EGLN1: variants seen among roughly 807,000 people sequenced by gnomAD.
The protein encoded by EGLN1 is egl-9 family hypoxia inducible factor 1.
Under a neutral mutation model 38.3 loss-of-function variants are expected in EGLN1, and 17 were observed. That is an observed-to-expected ratio of 0.44 (90% CI 0.30 to 0.67). EGLN1 has a LOEUF of 0.67. Among genes scored for constraint, EGLN1 ranks in the 30% least tolerant of loss-of-function variants. The probability of loss-of-function intolerance (pLI) is 0.08; values close to 1 mark genes in which losing one functional copy is unlikely to be tolerated. For missense variants in EGLN1, 477 were observed against 603.3 expected (o/e 0.79, Z 2.19); for synonymous variants, 283 against 257.5 (o/e 1.10, Z -0.95).
In EGLN1 at chr1:231,420,976, C is replaced by T. The variant is rs148803143; in HGVS notation, c.891+22G>A. The T allele has an allele frequency of 3.6e-5, 58 of 1,614,042 alleles. 1 individual carries two copies. The East Asian group carries it at 1.3e-3, about 35-fold the overall frequency. On this transcript the variant is annotated intron_variant, in intron 1 of 4. Transcript: ENST00000366641. ...CCCGCCGAGAAGGGCCTGTCCAGCA[C>T]AAACCCGCAGCACACACTTACTTTC...
intron 1 of EGLN1, among the ~76,000 whole-genome samples, chr1:231,396,979 C>T (rs2808598): frequency 0.54 from 82,604 of 151,730 alleles, 24,068 homozygotes; most frequent in Non-Finnish European, 0.65. Flanking sequence ...TCTTTTGCTT[C>T]AATTCCTGTT....
chr1:231,376,103 A>T (rs1348167475), intron 1 of EGLN1, among the ~76,000 whole-genome samples: 1 of 152,214 alleles, frequency 6.6e-6, no homozygotes, highest in Non-Finnish European at 1.5e-5. Context: ...ACCAAAGAGA[A>T]AAGGTCCCTT....
chr1:231,399,856 A>G (rs893601477), intron 1 of EGLN1, among the ~76,000 whole-genome samples: 7 of 152,148 alleles, frequency 4.6e-5, no homozygotes, highest in Non-Finnish European at 7.3e-5. Flanking sequence ...TTAAGGAGAA[A>G]AACACAGGAG....
intron 1 of EGLN1, among the ~76,000 whole-genome samples, chr1:231,392,274 G>C (rs113794790): frequency 2.6e-5 from 4 of 152,026 alleles, no homozygotes; most frequent in African/African-American, 9.6e-5. Flanking sequence ...GCGACAGAGC[G>C]AGACTCTGTC....
At position 231,386,179 on chromosome 1, in the gene EGLN1, GT is replaced by G. The variant is rs1432715096; in HGVS notation, c.892-12081del. 2.0e-5 allele frequency among the ~76,000 whole-genome samples: 3 copies of G among 151,836 alleles called. No individual in the cohort carries two copies. In the East Asian group the frequency reaches 5.8e-4, roughly 29 times the overall value. On this transcript the variant is annotated intron_variant, in intron 1 of 4. Coordinates refer to ENST00000366641, the MANE Select transcript of EGLN1 (RefSeq NM_022051.3). ...GCAGATAACCAAACACTTCTGAAAA[GT>G]TTTTTTGTGGCATGATGGACAAAGA... is the stretch of plus-strand genomic sequence containing the variant.
At chr1:231,384,260 C>G (rs116738669) in intron 1 of EGLN1, among the ~76,000 whole-genome samples, 4,698 of 152,156 alleles carry the variant, frequency 0.031, 246 homozygotes, top group African/African-American at 0.11. Context: ...AGGCACTGTT[C>G]TAGATCTTGG....
At position 231,422,118 on chromosome 1, in the gene EGLN1, C is replaced by G. The variant is rs1656655266; in HGVS notation, c.-230G>C. The G allele has an allele frequency of 2.6e-6, 1 of 385,712 alleles. No homozygotes were observed. The highest frequency in any genetic ancestry group is 4.5e-6 in the Non-Finnish European group (1 of 220,632). The allele number at this position is 385,712 out of a possible 1,614,324, so 23.9% of individuals were successfully genotyped here. ...AGCCGCCTCAGCGCCTCATCGCCGC[C>G]GAGGGCTGAGAGAATAGGGCCTGTG... is the stretch of plus-strand genomic sequence containing the variant. On this transcript the variant is annotated 5_prime_UTR_variant, in exon 1 of 5. Coordinates refer to ENST00000366641, the MANE Select transcript of EGLN1 (RefSeq NM_022051.3).
chr1:231,365,287 A>G lies in EGLN1; in HGVS notation c.*1124T>C, dbSNP rs374107175. 2 of 152,238 alleles carry G rather than the reference A, an allele frequency of 1.3e-5. No homozygotes were observed. Among genetic ancestry groups the G allele is most frequent in the South Asian group, 2.1e-4 (1 of 4,836 alleles). 9.4% of individuals were successfully genotyped at this position (152,238 alleles called of 1,614,324 possible). On this transcript the variant is annotated 3_prime_UTR_variant, in exon 5 of 5. Transcript: ENST00000366641. ...CAATTTAAGGAGAAGCAAAAGGAAA[A>G]GACTTAGAAATGGGACATTATTGTC...
At chr1:231,404,027 A>G (rs1333801096) in intron 1 of EGLN1, among the ~76,000 whole-genome samples, 1 of 152,112 alleles carries the variant, frequency 6.6e-6, no homozygotes, top group Non-Finnish European at 1.5e-5. Context: ...TATCTTTGTA[A>G]ATAACTAATT....
chr1:231,403,402 A>G (rs1688710862), intron 1 of EGLN1, among the ~76,000 whole-genome samples: 1 of 152,030 alleles, frequency 6.6e-6, no homozygotes, highest in South Asian at 2.1e-4. Flanking sequence ...TCTACTTTGG[A>G]GCACTGTATT....
At position 231,421,100 on chromosome 1, in the gene EGLN1, C is replaced by T. The variant is rs1180879366; in HGVS notation, c.789G>A (p.Glu263=). The T allele has an allele frequency of 5.6e-6, 9 of 1,614,204 alleles. No individual in the cohort carries two copies. The highest frequency in any genetic ancestry group is 1.3e-5 in the African/African-American group (1 of 75,056). Residue 263 remains glutamate, a synonymous_variant, in exon 1 of 5, where the codon GAG becomes GAA. Transcript: ENST00000366641. This position sits in a 1 kb window ranked among gnomAD's most constrained non-coding sequence, Gnocchi z 5.5. ...GCAGCCCAATGGTTTCGCAGCCGGG[C>T]TCCTTGCCCTCGATCCAGGTGATCT... ...GDKITWIEGK[E]PGCETIGLLM...
chr1:231,370,723 G>A, intron 2 of EGLN1, 25 bp from the exon 3 acceptor site: 1 of 1,613,792 alleles, frequency 6.2e-7, no homozygotes, highest in Non-Finnish European at 8.5e-7. Flanking sequence ...AAATATGTAA[G>A]CAGGAGTAAC....
chr1:231,414,884 T>G (rs1689037020), intron 1 of EGLN1, among the ~76,000 whole-genome samples: 1 of 152,028 alleles, frequency 6.6e-6, no homozygotes, highest in Non-Finnish European at 1.5e-5. Flanking sequence ...TACAGACATG[T>G]GCCACCATGC....
At chr1:231,418,819 A>T (rs900560277) in intron 1 of EGLN1, among the ~76,000 whole-genome samples, 1 of 148,132 alleles carries the variant, frequency 6.8e-6, no homozygotes, top group Non-Finnish European at 1.5e-5. Context: ...CCATGCTTAC[A>T]CCCTTGTACT....
At chr1:231,412,136 C>T (rs1240904085) in intron 1 of EGLN1, among the ~76,000 whole-genome samples, 2 of 148,480 alleles carry the variant, frequency 1.3e-5, no homozygotes, top group African/African-American at 4.9e-5. Context: ...CCAGGCTCCA[C>T]ATCAAAGGGA....
At chr1:231,392,909 C>T (rs1386961048) in intron 1 of EGLN1, among the ~76,000 whole-genome samples, 1 of 152,130 alleles carries the variant, frequency 6.6e-6, no homozygotes, top group African/African-American at 2.4e-5. Flanking sequence ...ACCTGTAGTC[C>T]TCAGTTCTCA....
chr1:231,417,417 G>A (rs915494896), intron 1 of EGLN1, among the ~76,000 whole-genome samples: 1 of 152,018 alleles, frequency 6.6e-6, no homozygotes, highest in Non-Finnish European at 1.5e-5. Flanking sequence ...TCATAGTGGC[G>A]AAGAAACTCC....
chr1:231,380,268 ATCGCGCCACTGCAC>A (rs1373638951), intron 1 of EGLN1, among the ~76,000 whole-genome samples: 1 of 144,242 alleles, frequency 6.9e-6, no homozygotes, highest in Non-Finnish European at 1.5e-5. Context: ...GTGAGCGGAG[ATCGCGCCACTGCAC>A]TCAAGCCTGG....
chr1:231,368,463 T>C (rs1233450747), intron 3 of EGLN1, among the ~76,000 whole-genome samples: 1 of 149,630 alleles, frequency 6.7e-6, no homozygotes, highest in South Asian at 2.2e-4. Context: ...GTTTAAACTT[T>C]GTCTAAACTT....
Sources: gnomAD v4.1 joint callset for allele counts (sites outside exome capture counted in the v4.1 genomes callset) on GRCh38, gnomAD v4.1.1 for gene constraint, Gnocchi (gnomAD v3.1) non-coding constraint, MANE v1.5 for transcripts, NCBI Gene and HGNC (gene_info 2026-07-23, HGNC 2026-07-21) for gene names.